MPP7: variants seen among roughly 807,000 people sequenced by gnomAD.
MPP7 encodes MAGUK p55 subfamily member 7.
Under a neutral mutation model 76.5 loss-of-function variants are expected in MPP7, and 60 were observed. The ratio of observed to expected loss-of-function variants is 0.78; its 90% confidence interval spans 0.64 to 0.97. MPP7 has a LOEUF of 0.97. Among genes scored for constraint, MPP7 ranks in the 50% least tolerant of loss-of-function variants. The pLI is 0.00. For missense variants in MPP7, 641 were observed against 694.0 expected (o/e 0.92, Z 0.86); for synonymous variants, 237 against 244.5 (o/e 0.97, Z 0.29).
intron 3 of MPP7, among the ~76,000 whole-genome samples, chr10:28,193,215 GTTTT>G (rs34271924): frequency 2.9e-5 from 4 of 136,712 alleles, no homozygotes; most frequent in African/African-American, 1.1e-4. Context: ...TTGGTTTTTT[GTTTT>G]TTTTTTTTTT....
At chr10:28,226,293 C>G (rs1838688087) in intron 2 of MPP7, among the ~76,000 whole-genome samples, 1 of 151,876 alleles carries the variant, frequency 6.6e-6, no homozygotes. Context: ...GTCACCCAGG[C>G]TGGAGTGCAG....
At chr10:28,197,184 T>A (rs912243958) in intron 3 of MPP7, among the ~76,000 whole-genome samples, 1 of 146,152 alleles carries the variant, frequency 6.8e-6, no homozygotes, top group African/African-American at 2.6e-5. Flanking sequence ...CAACTTCCTT[T>A]TTTTTTTTTT....
At chr10:28,327,606 CT>C (rs1589049800) in intron 2 of MPP7, among the ~76,000 whole-genome samples, 2 of 152,104 alleles carry the variant, frequency 1.3e-5, no homozygotes, top group East Asian at 3.8e-4. Flanking sequence ...TTTACAGAAG[CT>C]GTTTAATCTA....
At chr10:28,118,148 G>A (rs754529327) in intron 11 of MPP7, 25 of 984,072 alleles carry the variant, frequency 2.5e-5, no homozygotes, top group East Asian at 2.3e-4. Flanking sequence ...AAAGGACTCC[G>A]TTACAATTAA....
At chr10:28,100,925 AT>A (rs1285776944) in intron 11 of MPP7, among the ~76,000 whole-genome samples, 1 of 152,164 alleles carries the variant, frequency 6.6e-6, no homozygotes, top group African/African-American at 2.4e-5. Context: ...TGAGAATTTA[AT>A]TTTTTGTAAG....
intron 12 of MPP7, among the ~76,000 whole-genome samples, chr10:28,086,934 T>C (rs1458674846): frequency 1.3e-5 from 2 of 151,944 alleles, no homozygotes; most frequent in African/African-American, 4.8e-5. Flanking sequence ...TCTGGAGAGG[T>C]GGCCTCCAAG....
At chr10:28,100,102 G>A (rs1267285344) in intron 11 of MPP7, among the ~76,000 whole-genome samples, 2 of 141,538 alleles carry the variant, frequency 1.4e-5, no homozygotes, top group African/African-American at 2.7e-5. Context: ...TTTACTATAA[G>A]TGAACTTCTT....
chr10:28,141,196 G>A (rs1306838192), intron 5 of MPP7, among the ~76,000 whole-genome samples: 6 of 151,774 alleles, frequency 4.0e-5, no homozygotes, highest in African/African-American at 1.5e-4. Flanking sequence ...ACATAATTCT[G>A]ATTTATTTTT....
chr10:28,114,863 C>T (rs923092276), intron 11 of MPP7, among the ~76,000 whole-genome samples: 2 of 152,170 alleles, frequency 1.3e-5, no homozygotes, highest in African/African-American at 4.8e-5. Flanking sequence ...GTTTGAGAAG[C>T]AACATCTTGG....
chr10:28,146,170 T>C (rs1190949965), intron 5 of MPP7, among the ~76,000 whole-genome samples: 1 of 152,196 alleles, frequency 6.6e-6, no homozygotes, highest in East Asian at 1.9e-4. Context: ...TGGCTAAAAA[T>C]CTCCTTAACG....
In MPP7 at chr10:28,124,130, G is replaced by C; in HGVS notation, c.530-14C>G. 6.4e-7 allele frequency: 1 copy of C among 1,573,658 alleles called. No homozygotes were observed. The highest frequency in any genetic ancestry group is 1.1e-5 in the South Asian group (1 of 90,196). ...CATGAATAAGACCTGAGAAATAGGA[G>C]ATTTGGTAAATTAGCAGTGTTACCC... On this transcript the variant is annotated splice_polypyrimidine_tract_variant and intron_variant, in intron 7 of 16. Transcript: ENST00000683449.
intron 3 of MPP7, among the ~76,000 whole-genome samples, chr10:28,151,983 C>A (rs1835898541): frequency 6.6e-6 from 1 of 152,216 alleles, no homozygotes; most frequent in South Asian, 2.1e-4. Context: ...TGGTTCCTCT[C>A]CATCCCTTAT....
At chr10:28,118,643 C>G in intron 11 of MPP7, 3 of 985,360 alleles carry the variant, frequency 3.0e-6, no homozygotes, top group Non-Finnish European at 2.4e-6. Flanking sequence ...TTGTAGCATT[C>G]TGTGACAAGG....
intron 1 of MPP7, among the ~76,000 whole-genome samples, chr10:28,242,974 C>T (rs535230054): frequency 1.3e-5 from 2 of 152,228 alleles, no homozygotes; most frequent in South Asian, 4.1e-4. Context: ...AGGGGAAGCA[C>T]ACATAAAGTA....
At chr10:28,149,607 T>C (rs996168360) in intron 4 of MPP7, among the ~76,000 whole-genome samples, 6 of 152,256 alleles carry the variant, frequency 3.9e-5, no homozygotes, top group Non-Finnish European at 7.3e-5. Context: ...TCTGTCATTT[T>C]TTAGTACTGT....
intron 3 of MPP7, among the ~76,000 whole-genome samples, chr10:28,154,755 T>TG (rs1835997191): frequency 1.7e-5 from 2 of 121,138 alleles, no homozygotes; most frequent in South Asian, 3.2e-4. Flanking sequence ...TGGGGGGTGG[T>TG]GGGGAAACTT....
chr10:28,288,833 G>C (rs1305757877), intron 1 of MPP7, among the ~76,000 whole-genome samples: 1 of 152,084 alleles, frequency 6.6e-6, no homozygotes, highest in Non-Finnish European at 1.5e-5. Context: ...CCAATGTCTG[G>C]CCTAGAGCAC....
intron 1 of MPP7, among the ~76,000 whole-genome samples, chr10:28,301,051 T>C (rs1841143921): frequency 6.6e-6 from 1 of 152,172 alleles, no homozygotes; most frequent in South Asian, 2.1e-4. Context: ...TAGAATTCCC[T>C]AAGCCTTAAC....
At chr10:28,254,697 T>G (rs1032806976) in intron 1 of MPP7, 1 of 152,172 alleles carries the variant, frequency 6.6e-6, no homozygotes, top group South Asian at 2.1e-4. Flanking sequence ...GATATTTAAC[T>G]GAGTAATTAT....
Sources: gnomAD v4.1 joint callset for allele counts (sites outside exome capture counted in the v4.1 genomes callset) on GRCh38, gnomAD v4.1.1 for gene constraint, MANE v1.5 for transcripts, NCBI Gene and HGNC (gene_info 2026-07-23, HGNC 2026-07-21) for gene names.